SPATA13: variants seen among roughly 807,000 people sequenced by gnomAD.
The protein encoded by SPATA13 is spermatogenesis-associated protein 13.
Under a neutral mutation model 104.0 loss-of-function variants are expected in SPATA13, and 50 were observed. The ratio of observed to expected loss-of-function variants is 0.48; its 90% CI spans 0.38 to 0.61. The LOEUF (loss-of-function observed/expected upper bound fraction) is 0.61, where lower values mean the gene tolerates loss of function less well. Ranked by LOEUF, SPATA13 falls within the 20% of genes least tolerant of loss-of-function variation. SPATA13 has a pLI of 0.00. For synonymous variants in SPATA13, 606 were observed against 667.5 expected, an observed-to-expected ratio of 0.91 and a Z score of 1.42; for missense variants, 1,524 against 1,690.6, an observed-to-expected ratio of 0.90 and a Z score of 1.73.
intron 3 of SPATA13, among the ~76,000 whole-genome samples, chr13:24,145,863 G>A (rs1418094930): frequency 6.6e-6 from 1 of 152,234 alleles, no homozygotes; most frequent in Non-Finnish European, 1.5e-5. Flanking sequence ...CACAGCTGGG[G>A]CTTGGAGGAG....
At chr13:24,169,862 G>A (rs899811862) in intron 1 of SPATA13, among the ~76,000 whole-genome samples, 2 of 152,084 alleles carry the variant, frequency 1.3e-5, no homozygotes, top group African/African-American at 2.4e-5. Flanking sequence ...GACTCCACTC[G>A]GCATTAGGAA....
Position 24,133,043 on chromosome 13 carries a change from A to G in SPATA13, c.-111-89776A>G, listed in dbSNP as rs181430254. Among the ~76,000 whole-genome samples the G allele has an allele frequency of 2.3e-3, 343 of 152,324 alleles. 3 individuals carry two copies. Among genetic ancestry groups the G allele is most frequent in the African/African-American group, 8.0e-3 (333 of 41,572 alleles). On this transcript the variant is annotated intron_variant, in intron 3 of 14. Transcript: ENST00000424834. ...TTCATACATAGCACACCTGGAGATG[A>G]TATGACAGTTGAGGCCAGGGAAGGA...
At chr13:24,268,029 C>T (rs1874374814) in intron 4 of SPATA13, among the ~76,000 whole-genome samples, 1 of 152,236 alleles carries the variant, frequency 6.6e-6, no homozygotes, top group Non-Finnish European at 1.5e-5. Flanking sequence ...TACTGCTGGT[C>T]CATGGGCCCT....
intron 3 of SPATA13, among the ~76,000 whole-genome samples, chr13:24,079,869 G>A (rs1245508730): frequency 2.6e-5 from 4 of 152,074 alleles, no homozygotes; most frequent in South Asian, 2.1e-4. Flanking sequence ...TGAGGATGGG[G>A]ATACTCATAC....
At chr13:24,139,094 C>G (rs553965767) in intron 3 of SPATA13, among the ~76,000 whole-genome samples, 3 of 152,310 alleles carry the variant, frequency 2.0e-5, no homozygotes, top group African/African-American at 7.2e-5. Context: ...GGGGTGCATC[C>G]TTCCTCGCCT....
At chr13:24,162,268 TTC>T (rs1289277939) in intron 1 of SPATA13, 1 of 153,792 alleles carries the variant, frequency 6.5e-6, no homozygotes, top group Non-Finnish European at 1.5e-5. Context: ...TTCCCCATGT[TTC>T]TCCCACAGGT....
intron 3 of SPATA13, among the ~76,000 whole-genome samples, chr13:24,022,308 A>G (rs1176901319): frequency 6.6e-6 from 1 of 152,080 alleles, no homozygotes; most frequent in Non-Finnish European, 1.5e-5. Context: ...AAGTGCTGGG[A>G]TTATAGGCGT....
rs988900270 is a variant in SPATA13 at position 24,110,478 on chromosome 13, C to T, written c.-112+92777C>T. On this transcript the variant is annotated intron_variant, in intron 3 of 14. Transcript: ENST00000424834. ...TCAACTCCAAACCCCTTGACTCTGCCGGCTGCTGTAGAGATGAATTGCTTC... is the reference window on the plus strand; with the variant it reads ...TCAACTCCAAACCCCTTGACTCTGCTGGCTGCTGTAGAGATGAATTGCTTC... Among the ~76,000 whole-genome samples, 16 of 152,150 alleles carry T rather than the reference C, an allele frequency of 1.1e-4. 1 individual carries two copies. Among genetic ancestry groups the T allele is most frequent in the Admixed American group, 8.5e-4 (13 of 15,274 alleles).
chr13:24,001,516 G>A (rs1875967498), intron 2 of SPATA13, among the ~76,000 whole-genome samples: 1 of 152,024 alleles, frequency 6.6e-6, no homozygotes, highest in Admixed American at 6.5e-5. Context: ...GAGCTGGCGG[G>A]GAAAGGCAGG....
At chr13:24,264,403 C>G in intron 4 of SPATA13, among the ~76,000 whole-genome samples, 1 of 151,922 alleles carries the variant, frequency 6.6e-6, no homozygotes, top group Middle Eastern at 3.4e-3. Flanking sequence ...CAGACAAGGT[C>G]AGGCCTTAGA....
At chr13:24,251,317 G>A (rs188665584) in intron 3 of SPATA13, among the ~76,000 whole-genome samples, 1 of 152,328 alleles carries the variant, frequency 6.6e-6, no homozygotes, top group East Asian at 1.9e-4. Context: ...CCCTGGCCGG[G>A]TTTGTGGCCT....
At chr13:24,195,327 A>T (rs143991348) in intron 1 of SPATA13, among the ~76,000 whole-genome samples, 64 of 152,328 alleles carry the variant, frequency 4.2e-4, no homozygotes, top group African/African-American at 1.5e-3. Flanking sequence ...TTATGTGGAT[A>T]TCAAATTTTG....
At chr13:24,078,286 C>A (rs1394934443) in intron 3 of SPATA13, among the ~76,000 whole-genome samples, 1 of 152,142 alleles carries the variant, frequency 6.6e-6, no homozygotes, top group Admixed American at 6.5e-5. Flanking sequence ...TGAGTTCTGA[C>A]CCAACCATTT....
intron 3 of SPATA13, among the ~76,000 whole-genome samples, chr13:24,059,338 A>G (rs1287140334): frequency 6.6e-6 from 1 of 151,774 alleles, no homozygotes; most frequent in Admixed American, 6.6e-5. Context: ...GTCACAAAAA[A>G]AAAAGGCTTG....
At chr13:23,990,811 C>T (rs1246917135) in intron 2 of SPATA13, among the ~76,000 whole-genome samples, 1 of 152,156 alleles carries the variant, frequency 6.6e-6, no homozygotes, top group Non-Finnish European at 1.5e-5. Flanking sequence ...TGACAGATGG[C>T]TGGAGAACTA....
intron 1 of SPATA13, among the ~76,000 whole-genome samples, chr13:24,207,233 A>C (rs932613490): frequency 6.6e-6 from 1 of 152,170 alleles, no homozygotes; most frequent in Non-Finnish European, 1.5e-5. Flanking sequence ...TGGGGATGCA[A>C]GGAGGGACAG....
intron 3 of SPATA13, among the ~76,000 whole-genome samples, chr13:24,042,485 C>G (rs561747810): frequency 7.2e-5 from 11 of 152,230 alleles, no homozygotes; most frequent in South Asian, 2.1e-4. Flanking sequence ...GGTGCCGATC[C>G]TCACGAGTCA....
At chr13:24,036,423 C>T (rs1295166425) in intron 3 of SPATA13, among the ~76,000 whole-genome samples, 1 of 152,214 alleles carries the variant, frequency 6.6e-6, no homozygotes, top group African/African-American at 2.4e-5. Flanking sequence ...AGTATGTAAG[C>T]AGACTTTTTA....
chr13:24,175,396 A>T (rs753283845), intron 1 of SPATA13, among the ~76,000 whole-genome samples: 13 of 152,136 alleles, frequency 8.5e-5, no homozygotes, highest in Admixed American at 3.3e-4. Flanking sequence ...TGACAAGGAG[A>T]GAGAGGAGTT....
Sources: allele counts gnomAD v4.1 joint callset (sites outside exome capture counted in the v4.1 genomes callset), GRCh38; gene constraint gnomAD v4.1.1; transcripts MANE v1.5; gene names NCBI Gene and HGNC (gene_info 2026-07-23, HGNC 2026-07-21).